Variants in SDR42E2 observed in about 807,000 individuals in gnomAD.
SDR42E2 encodes the protein putative short-chain dehydrogenase/reductase family 42E member 2.
In SDR42E2, 20 loss-of-function variants were observed where a neutral mutation model predicts 10.5. The observed-to-expected ratio is 1.90, with a 90% CI of 1.34 to 2.77. The LOEUF is 2.77. Among genes scored for constraint, SDR42E2 ranks in the 30% most tolerant of loss-of-function variants. SDR42E2 has a pLI of 0.00. For missense variants in SDR42E2, 162 were observed against 104.2 expected (o/e 1.55, Z -2.42); for synonymous variants, 72 against 39.2 (o/e 1.84, Z -3.12).
intron 8 of SDR42E2, among the ~76,000 whole-genome samples, chr16:22,180,081 G>A (rs933435348): frequency 6.6e-6 from 1 of 152,090 alleles, no homozygotes; most frequent in African/African-American, 2.4e-5. Flanking sequence ...GTGGTGGAGC[G>A]AGTGAGGGGG....
intron 11 of SDR42E2, among the ~76,000 whole-genome samples, chr16:22,186,289 C>A (rs2046736296): frequency 6.6e-6 from 1 of 151,694 alleles, no homozygotes; most frequent in South Asian, 2.1e-4. Flanking sequence ...TCACTGCAAT[C>A]TCTGCGTCCT....
At chr16:22,170,500 C>G (rs1469587334) in intron 5 of SDR42E2, among the ~76,000 whole-genome samples, 1 of 152,166 alleles carries the variant, frequency 6.6e-6, no homozygotes, top group East Asian at 1.9e-4. Context: ...TTCTAAGTCT[C>G]CATCCAGTGA....
rs1243632091 is a variant in SDR42E2 at position 22,190,381 on chromosome 16, G to A, written c.1257G>A (p.Val419=). Residue 419 remains valine, a synonymous_variant, in exon 13 of 13, where the codon GTG becomes GTA. Coordinates refer to ENST00000602312, the MANE Select transcript of SDR42E2 (RefSeq NM_001394319.2). ...GCCTGCAGCCTCTGCACGCCGCCGT[G>A]GAGCGCCTGTGACCGTCCGCCGTCC... ...FLGLQPLHAA[V]ERL The A allele has an allele frequency of 5.0e-6, 2 of 402,258 alleles. No homozygotes were observed. The highest frequency in any genetic ancestry group is 4.4e-5 in the Admixed American group (1 of 22,726). 24.9% of individuals were successfully genotyped at this position (402,258 alleles called of 1,614,324 possible).
intron 10 of SDR42E2, among the ~76,000 whole-genome samples, chr16:22,183,457 C>A (rs746990244): frequency 6.6e-6 from 1 of 152,140 alleles, no homozygotes; most frequent in Non-Finnish European, 1.5e-5. Context: ...GTGGAAGAGA[C>A]AAAAGCGCAA....
intron 7 of SDR42E2, 148 bp from the exon 8 acceptor site, chr16:22,177,982 G>A (rs1277757427): frequency 5.2e-6 from 3 of 581,840 alleles, no homozygotes; most frequent in Non-Finnish European, 9.2e-6. Context: ...CTGACTAAGA[G>A]AATAATAAAT....
At chr16:22,166,065 T>G (rs574645371) in intron 2 of SDR42E2, among the ~76,000 whole-genome samples, 185 bp from the exon 3 acceptor site, 4 of 147,714 alleles carry the variant, frequency 2.7e-5, no homozygotes, top group African/African-American at 7.7e-5. Flanking sequence ...GAGCTGGGTC[T>G]GTACCTGGGC....
At chr16:22,167,165 ATTTTTTTTTTT>A (rs534502295) in intron 4 of SDR42E2, among the ~76,000 whole-genome samples, 166 bp downstream of exon 4, 14 of 37,722 alleles carry the variant, frequency 3.7e-4, no homozygotes, top group East Asian at 1.4e-3. Context: ...CAGTTCTGCC[ATTTTTTTTTTT>A]TTTTTTTTTT....
At position 22,170,839 on chromosome 16, in the gene SDR42E2, T is replaced by A; in HGVS notation, c.401T>A (p.Val134Asp). The A allele has an allele frequency of 1.4e-6, 1 of 703,006 alleles. No homozygotes were observed. Among genetic ancestry groups the A allele is most frequent in the Non-Finnish European group, 2.6e-6 (1 of 384,998 alleles). The allele number at this position is 703,006 out of a possible 1,614,324, so 43.5% of individuals were successfully genotyped here. Residue 134 changes from valine (V) to aspartate (D), a missense_variant, in exon 6 of 13, where the codon GTT becomes GAT. Val to Asp is a radical substitution (Grantham distance 152, BLOSUM62 -3). Transcript: ENST00000602312. ...GGTKLVIDVC[V>D]RRRVPRLIYT... ...TGTGCACCTGCTGCTGCAGTCTGTG[T>A]TCGCCGGCGGGTTCCAAGGCTCATC...
chr16:22,166,344 A>T lies in SDR42E2; in HGVS notation c.150A>T (p.Gly50=). Residue 50 remains glycine, a synonymous_variant, in exon 3 of 13, where the codon GGA becomes GGT. Coordinates refer to ENST00000602312, the MANE Select transcript of SDR42E2 (RefSeq NM_001394319.2). ...GAGGCTACCTGGGCTTCAGCCTGGG[A>T]TCCCACCTAGCCAAGAGCGGCACTT... ...GGGGYLGFSL[G]SHLAKSGTSV... 1.2e-5 allele frequency: 5 copies of T among 402,816 alleles called. No homozygotes were observed. The highest frequency in any genetic ancestry group is 6.2e-4 in the Middle Eastern group (2 of 3,224). 25.0% of individuals were successfully genotyped at this position (402,816 alleles called of 1,614,324 possible). A position where few individuals can be genotyped will look rare whatever the true frequency, so the allele number is the denominator to read the frequency against.
At chr16:22,164,707 G>T (rs561328675) in intron 1 of SDR42E2, among the ~76,000 whole-genome samples, 13 of 152,276 alleles carry the variant, frequency 8.5e-5, no homozygotes, top group Non-Finnish European at 1.6e-4. Context: ...CAGGCATCAG[G>T]GTGGAGACAG....
At chr16:22,187,666 C>T (rs1431656406) in intron 12 of SDR42E2, among the ~76,000 whole-genome samples, 1 of 151,832 alleles carries the variant, frequency 6.6e-6, no homozygotes, top group African/African-American at 2.4e-5. Context: ...AGGCATGCAC[C>T]ACCATGCCTG....
intron 4 of SDR42E2, among the ~76,000 whole-genome samples, chr16:22,167,629 C>T (rs1437401737): frequency 1.3e-5 from 2 of 152,138 alleles, no homozygotes; most frequent in African/African-American, 4.8e-5. Flanking sequence ...TCCACCAAAA[C>T]ATATGTATAC....
At chr16:22,179,903 C>T (rs968363205) in intron 8 of SDR42E2, among the ~76,000 whole-genome samples, 4 of 150,968 alleles carry the variant, frequency 2.6e-5, no homozygotes, top group Admixed American at 6.6e-5. Flanking sequence ...CAGGTAGTCA[C>T]GGGGGGGCTC....
chr16:22,183,488 G>C (rs1046537123), intron 10 of SDR42E2, among the ~76,000 whole-genome samples: 1 of 152,182 alleles, frequency 6.6e-6, no homozygotes, highest in African/African-American at 2.4e-5. Context: ...TGGCTTTGGG[G>C]CCTCCCCACA....
At chr16:22,188,919 A>G (rs2046752967) in intron 12 of SDR42E2, among the ~76,000 whole-genome samples, 2 of 152,130 alleles carry the variant, frequency 1.3e-5, no homozygotes, top group African/African-American at 4.8e-5. Flanking sequence ...TTCAAAGGGG[A>G]AGACAGCCCA....
intron 1 of SDR42E2, among the ~76,000 whole-genome samples, chr16:22,164,296 C>T (rs769468698): frequency 8.9e-4 from 135 of 152,148 alleles, no homozygotes; most frequent in Non-Finnish European, 3.4e-4. Context: ...CGGTGGCTCA[C>T]ACCTGTAATC....
intron 7 of SDR42E2, among the ~76,000 whole-genome samples, chr16:22,172,559 T>G (rs534588476): frequency 2.2e-4 from 33 of 152,332 alleles, no homozygotes; most frequent in African/African-American, 7.2e-4. Context: ...TGTCTGCCCT[T>G]ACATAGCTCA....
chr16:22,176,669 T>TA (rs2046647054), intron 7 of SDR42E2, among the ~76,000 whole-genome samples: 1 of 152,212 alleles, frequency 6.6e-6, no homozygotes, highest in South Asian at 2.1e-4. Context: ...GCAATCCTCC[T>TA]GCCTTGGCCT....
chr16:22,179,593 A>G (rs918976419), intron 8 of SDR42E2, among the ~76,000 whole-genome samples: 1 of 152,046 alleles, frequency 6.6e-6, no homozygotes, highest in Non-Finnish European at 1.5e-5. Context: ...GGATGGATCA[A>G]TTGAGGTCAG....
Sources: gnomAD v4.1 joint callset for allele counts (sites outside exome capture counted in the v4.1 genomes callset) on GRCh38, gnomAD v4.1.1 for gene constraint, MANE v1.5 for transcripts, NCBI Gene and HGNC (gene_info 2026-07-23, HGNC 2026-07-21) for gene names.